The following ADAMTS17 variants were observed in gnomAD, a reference collection of about 807,000 sequenced individuals.
ADAMTS17 encodes the protein A disintegrin and metalloproteinase with thrombospondin motifs 17.
A neutral mutation model predicts 141.5 loss-of-function variants in ADAMTS17; 113 were observed. The ratio of observed to expected loss-of-function variants is 0.80; its 90% CI spans 0.69 to 0.93. The LOEUF (loss-of-function observed/expected upper bound fraction) is 0.93. Among genes scored for constraint, ADAMTS17 ranks in the 40% least tolerant of loss-of-function variants. The pLI is 0.00. For synonymous variants in ADAMTS17, 768 were observed against 630.6 expected (o/e 1.22, Z -3.27); for missense variants, 1,659 against 1,517.9 (o/e 1.09, Z -1.54).
At chr15:100,205,861 T>G (rs1172820425) in intron 7 of ADAMTS17, among the ~76,000 whole-genome samples, 1 of 152,190 alleles carries the variant, frequency 6.6e-6, no homozygotes, top group Non-Finnish European at 1.5e-5. Context: ...CCTCAGGGCC[T>G]GAAGGGTGGG....
chr15:100,184,637 C>T (rs1423902097), intron 8 of ADAMTS17, among the ~76,000 whole-genome samples: 1 of 152,202 alleles, frequency 6.6e-6, no homozygotes, highest in Non-Finnish European at 1.5e-5. Flanking sequence ...GGCAGAACCT[C>T]TGAGATCCAG....
intron 18 of ADAMTS17, among the ~76,000 whole-genome samples, chr15:99,999,171 G>A (rs1221223029): frequency 2.6e-5 from 4 of 152,210 alleles, no homozygotes; most frequent in Non-Finnish European, 4.4e-5. Flanking sequence ...TGATGAGGAA[G>A]CAGTGAGTGA....
At chr15:100,063,716 G>A (rs1232799328) in intron 15 of ADAMTS17, 1 of 1,290,020 alleles carries the variant, frequency 7.8e-7, no homozygotes, top group Non-Finnish European at 1.0e-6. Flanking sequence ...CCACCACACG[G>A]ATCCTCCGAG....
intron 18 of ADAMTS17, among the ~76,000 whole-genome samples, chr15:100,035,073 G>A (rs1307412292): frequency 6.6e-6 from 1 of 152,166 alleles, no homozygotes; most frequent in Non-Finnish European, 1.5e-5. Flanking sequence ...GAAAACTCAA[G>A]CACTTGGAAC....
intron 12 of ADAMTS17, among the ~76,000 whole-genome samples, chr15:100,123,054 G>C (rs1032781583): frequency 2.6e-5 from 4 of 152,330 alleles, no homozygotes; most frequent in East Asian, 1.9e-4. Context: ...CAGAAGTTCT[G>C]GGGGAGGACT....
intron 15 of ADAMTS17, among the ~76,000 whole-genome samples, chr15:100,082,551 G>A (rs1390910923): frequency 6.6e-6 from 1 of 151,776 alleles, no homozygotes; most frequent in Admixed American, 6.6e-5. Flanking sequence ...GTGTCTACCT[G>A]ATTTTTTTGT....
chr15:100,018,879 A>G (rs2061345698), intron 18 of ADAMTS17, among the ~76,000 whole-genome samples: 1 of 152,224 alleles, frequency 6.6e-6, no homozygotes, highest in Admixed American at 6.5e-5. Context: ...GATGGGAGAA[A>G]TGTTCTCACA....
intron 9 of ADAMTS17, among the ~76,000 whole-genome samples, chr15:100,154,456 G>C (rs1019951059): frequency 6.6e-6 from 1 of 152,162 alleles, no homozygotes; most frequent in Non-Finnish European, 1.5e-5. Flanking sequence ...ACTGGACTGA[G>C]AAGCTCCATC....
At chr15:100,122,231 A>G (rs997293315) in intron 12 of ADAMTS17, among the ~76,000 whole-genome samples, 2 of 152,160 alleles carry the variant, frequency 1.3e-5, no homozygotes, top group Non-Finnish European at 2.9e-5. Context: ...CCTCTTAGTA[A>G]GTTCCCATTA....
chr15:100,263,230 T>A (rs576826756), intron 4 of ADAMTS17, among the ~76,000 whole-genome samples: 12 of 152,226 alleles, frequency 7.9e-5, no homozygotes, highest in South Asian at 2.1e-4. Flanking sequence ...TGCTAACCCT[T>A]GCCACACCCC....
chr15:100,058,394 G>A (rs1054783534), intron 15 of ADAMTS17, among the ~76,000 whole-genome samples: 2 of 26,176 alleles, frequency 7.6e-5, no homozygotes, highest in Non-Finnish European at 1.7e-4. Flanking sequence ...ACACTCCTGA[G>A]GAGGTGACTC....
chr15:100,338,503 C>A (rs1022370192), intron 2 of ADAMTS17, among the ~76,000 whole-genome samples: 1 of 152,212 alleles, frequency 6.6e-6, no homozygotes, highest in Non-Finnish European at 1.5e-5. Context: ...TCCATTCGCT[C>A]GTATGCCATC....
intron 8 of ADAMTS17, among the ~76,000 whole-genome samples, chr15:100,161,900 T>C (rs1053423505): frequency 2.0e-5 from 3 of 152,250 alleles, no homozygotes; most frequent in Non-Finnish European, 4.4e-5. Flanking sequence ...TATTTGTTTG[T>C]GTTTTGTACA....
intron 18 of ADAMTS17, among the ~76,000 whole-genome samples, chr15:100,008,517 G>A (rs1042780004): frequency 3.4e-4 from 52 of 152,234 alleles, no homozygotes; most frequent in African/African-American, 1.2e-3. Context: ...CCAGGGCCCG[G>A]GGGCCCAGGA....
At chr15:100,046,081 A>C (rs991095045) in intron 18 of ADAMTS17, among the ~76,000 whole-genome samples, 1 of 152,022 alleles carries the variant, frequency 6.6e-6, no homozygotes, top group African/African-American at 2.4e-5. Flanking sequence ...GGGTTTCACT[A>C]TGTTGGCCAG....
intron 6 of ADAMTS17, among the ~76,000 whole-genome samples, chr15:100,261,021 A>AC (rs1290849847): frequency 3.3e-5 from 5 of 152,218 alleles, no homozygotes; most frequent in African/African-American, 1.2e-4. Flanking sequence ...TGATATAGCC[A>AC]CATCGACATC....
At chr15:100,088,081 T>C (rs190438792) in intron 15 of ADAMTS17, among the ~76,000 whole-genome samples, 4 of 152,302 alleles carry the variant, frequency 2.6e-5, no homozygotes, top group African/African-American at 9.6e-5. Flanking sequence ...ACTGTATATC[T>C]AGAAAACCCC....
chr15:100,075,410 A>G (rs576844150), intron 15 of ADAMTS17, among the ~76,000 whole-genome samples: 2 of 152,344 alleles, frequency 1.3e-5, no homozygotes, highest in South Asian at 2.1e-4. Context: ...ACAGCAAAAA[A>G]TAACTGTTCA....
chr15:100,071,710 T>C (rs1441376565), intron 15 of ADAMTS17, among the ~76,000 whole-genome samples: 2 of 150,182 alleles, frequency 1.3e-5, no homozygotes, highest in East Asian at 1.9e-4. Context: ...ATTCAACAAC[T>C]CTTCATGCTA....
Sources: allele counts gnomAD v4.1 joint callset (sites outside exome capture counted in the v4.1 genomes callset), GRCh38; gene constraint gnomAD v4.1.1; transcripts MANE v1.5; gene names NCBI Gene and HGNC (gene_info 2026-07-23, HGNC 2026-07-21).